The following HIVEP2 variants were observed in gnomAD, a reference collection of about 807,000 sequenced individuals.
HIVEP2 encodes transcription factor HIVEP2.
In HIVEP2, 14 loss-of-function variants were observed where a neutral mutation model predicts 180.7. The observed-to-expected ratio is 0.08, with a 90% confidence interval of 0.05 to 0.12. The LOEUF is 0.12. Ranked by LOEUF, HIVEP2 falls within the 10% of genes least tolerant of loss-of-function variation. HIVEP2 has a pLI of 1.00. For synonymous variants in HIVEP2, 1,184 were observed against 1,136.4 expected (o/e 1.04, Z -0.84); for missense variants, 2,579 against 3,008.5 (o/e 0.86, Z 3.34).
chr6:142,826,317 T>C (rs1177088449), intron 2 of HIVEP2, among the ~76,000 whole-genome samples: 2 of 152,184 alleles, frequency 1.3e-5, no homozygotes, highest in African/African-American at 4.8e-5. Flanking sequence ...AAGGGACATA[T>C]CACTACACTC....
intron 2 of HIVEP2, among the ~76,000 whole-genome samples, chr6:142,789,426 A>G (rs1172255987): frequency 6.6e-6 from 1 of 152,256 alleles, no homozygotes; most frequent in Non-Finnish European, 1.5e-5. Flanking sequence ...TAAGTCATAT[A>G]TCTGACTAAC....
intron 6 of HIVEP2, among the ~76,000 whole-genome samples, chr6:142,767,296 CA>C (rs1431337766): frequency 3.3e-5 from 5 of 151,890 alleles, no homozygotes; most frequent in Admixed American, 6.6e-5. Flanking sequence ...TGGGGGATGT[CA>C]AAAAAATATC....
At chr6:142,800,313 C>G (rs1016365281) in intron 2 of HIVEP2, among the ~76,000 whole-genome samples, 1 of 152,146 alleles carries the variant, frequency 6.6e-6, no homozygotes, top group Non-Finnish European at 1.5e-5. Flanking sequence ...TTACTAAGCA[C>G]CTCTGCCTCT....
chr6:142,892,075 C>T lies in HIVEP2; in HGVS notation c.-641+53024G>A, dbSNP rs141698111. On this transcript the variant is annotated intron_variant, in intron 1 of 9. Coordinates refer to ENST00000367603, the MANE Select transcript of HIVEP2 (RefSeq NM_006734.4). ...GCCCTCACCTGGCCTGGCCTCACTG[C>T]GCTGCCTACTGCACTTTCACTTTGG... 7.4e-3 allele frequency among the ~76,000 whole-genome samples: 1,130 copies of T among 152,306 alleles called. 7 individuals are homozygous for T. Among genetic ancestry groups the T allele is most frequent in the Non-Finnish European group, 9.1e-3 (620 of 68,032 alleles).
chr6:142,783,973 G>A (rs1027138279), intron 2 of HIVEP2, among the ~76,000 whole-genome samples: 2 of 152,106 alleles, frequency 1.3e-5, no homozygotes, highest in Non-Finnish European at 2.9e-5. Flanking sequence ...ACTAAACCTC[G>A]CAGGATGAAG....
intron 1 of HIVEP2, among the ~76,000 whole-genome samples, chr6:142,865,225 G>C (rs953630227): frequency 1.3e-5 from 2 of 152,114 alleles, no homozygotes; most frequent in African/African-American, 4.8e-5. Context: ...AATTTGGATA[G>C]CTATGTATAA....
intron 1 of HIVEP2, among the ~76,000 whole-genome samples, chr6:142,901,366 T>C (rs1777129430): frequency 6.6e-6 from 1 of 152,242 alleles, no homozygotes; most frequent in Non-Finnish European, 1.5e-5. Flanking sequence ...ATTTATATTC[T>C]GATTACTATT....
intron 2 of HIVEP2, among the ~76,000 whole-genome samples, chr6:142,792,558 C>T (rs376967062): frequency 2.8e-4 from 43 of 151,864 alleles, no homozygotes; most frequent in Admixed American, 7.2e-4. Flanking sequence ...CGGGGCCTGT[C>T]GGGTGGTGGA....
chr6:142,845,560 A>G (rs1775489640), intron 1 of HIVEP2, among the ~76,000 whole-genome samples: 1 of 152,196 alleles, frequency 6.6e-6, no homozygotes, highest in Non-Finnish European at 1.5e-5. Context: ...CATGGATATT[A>G]CCAGAAGTTA....
At chr6:142,928,213 G>T (rs1412477916) in intron 1 of HIVEP2, among the ~76,000 whole-genome samples, 1 of 152,278 alleles carries the variant, frequency 6.6e-6, no homozygotes, top group East Asian at 1.9e-4. Context: ...TGTACCTTCC[G>T]CTGGATTTTG....
chr6:142,889,305 T>C (rs768147669), intron 1 of HIVEP2, among the ~76,000 whole-genome samples: 23 of 152,176 alleles, frequency 1.5e-4, no homozygotes, highest in Middle Eastern at 6.8e-3. Flanking sequence ...ACCCTGTCTC[T>C]ACAAAATATT....
chr6:142,876,979 G>C (rs1012582434), intron 1 of HIVEP2, among the ~76,000 whole-genome samples: 1 of 152,224 alleles, frequency 6.6e-6, no homozygotes, highest in Non-Finnish European at 1.5e-5. Context: ...AGCCCAGGGG[G>C]TTGAGATTGC....
chr6:142,793,905 G>A (rs754963762), intron 2 of HIVEP2: 4 of 151,936 alleles, frequency 2.6e-5, no homozygotes, highest in South Asian at 2.1e-4. Flanking sequence ...GGGCTTAAGC[G>A]ATCTGCCTGC....
At chr6:142,929,027 T>C (rs899523460) in intron 1 of HIVEP2, among the ~76,000 whole-genome samples, 24 of 152,260 alleles carry the variant, frequency 1.6e-4, no homozygotes, top group African/African-American at 5.8e-4. Context: ...ATCTGTTTCC[T>C]GAATGATCTT....
intron 2 of HIVEP2, among the ~76,000 whole-genome samples, chr6:142,835,994 C>T (rs574224281): frequency 1.2e-3 from 176 of 152,308 alleles, no homozygotes; most frequent in Admixed American, 2.0e-3. Flanking sequence ...TGATTAGACA[C>T]TTTCCTCTCT....
chr6:142,778,941 C>T (rs528096118), intron 3 of HIVEP2, among the ~76,000 whole-genome samples: 388 of 151,972 alleles, frequency 2.6e-3, no homozygotes, highest in Non-Finnish European at 4.2e-3. Flanking sequence ...GTTTGTAGTA[C>T]AAAAAATGGC....
At chr6:142,894,119 T>C (rs896063620) in intron 1 of HIVEP2, among the ~76,000 whole-genome samples, 5 of 152,326 alleles carry the variant, frequency 3.3e-5, no homozygotes, top group Non-Finnish European at 7.4e-5. Context: ...AATCAATAAA[T>C]AGTAGAGTTG....
chr6:142,882,377 A>C (rs1000679118), intron 1 of HIVEP2, among the ~76,000 whole-genome samples: 3 of 152,166 alleles, frequency 2.0e-5, no homozygotes, highest in African/African-American at 7.2e-5. Context: ...CTGGGAGGCC[A>C]AGGTGAGAGG....
At chr6:142,877,178 GAAC>G (rs944173922) in intron 1 of HIVEP2, among the ~76,000 whole-genome samples, 1 of 151,920 alleles carries the variant, frequency 6.6e-6, no homozygotes, top group Non-Finnish European at 1.5e-5. Context: ...TTAATGCTTT[GAAC>G]AACATATAAA....
Sources: gnomAD v4.1 joint callset for allele counts (sites outside exome capture counted in the v4.1 genomes callset) on GRCh38, gnomAD v4.1.1 for gene constraint, MANE v1.5 for transcripts, NCBI Gene and HGNC (gene_info 2026-07-23, HGNC 2026-07-21) for gene names.